Variants in KCNMB3 observed in about 807,000 individuals in gnomAD.
The protein encoded by KCNMB3 is potassium calcium-activated channel subfamily M regulatory beta subunit 3, also known as calcium-activated potassium channel subunit beta-3.
KCNMB3 carries 18 observed loss-of-function variants against 11.9 expected under a neutral mutation model. The observed-to-expected ratio is 1.51, with a 90% CI of 1.04 to 2.23. The LOEUF is 2.23. Ranked by LOEUF, KCNMB3 falls within the 30% of genes most tolerant of loss-of-function variation. The probability of loss-of-function intolerance (pLI) is 0.00; values close to 1 mark genes in which losing one functional copy is unlikely to be tolerated. For synonymous variants in KCNMB3, 78 were observed against 119.2 expected, an observed-to-expected ratio of 0.65 and a Z score of 2.25; for missense variants, 247 against 329.4, an observed-to-expected ratio of 0.75 and a Z score of 1.94.
chr3:179,257,143 A>C (rs1024397088), intron 1 of KCNMB3, among the ~76,000 whole-genome samples: 2 of 152,220 alleles, frequency 1.3e-5, no homozygotes, highest in African/African-American at 2.4e-5. Context: ...AGCCTCAGTG[A>C]TAGGTGAGAC....
chr3:179,260,061 G>A, intron 1 of KCNMB3: 2 of 1,610,580 alleles, frequency 1.2e-6, no homozygotes, highest in Non-Finnish European at 1.7e-6. Context: ...TAACTGTTGG[G>A]GGACCTCTAC....
rs574500740 is a variant in KCNMB3 at position 179,265,749 on chromosome 3, C to T, written c.62+900G>A. Among the ~76,000 whole-genome samples the T allele has an allele frequency of 1.4e-4, 21 of 152,332 alleles. 1 individual carries two copies. The highest frequency in any genetic ancestry group is 8.3e-4 in the South Asian group (4 of 4,828). On this transcript the variant is annotated intron_variant, in intron 1 of 3. Transcript: ENST00000349697. ...CTGGGATTACAGGTGTGAGCCACCGCGCCTGGCACAAAAGGTTTTAGTATC... is the reference window on the plus strand; with the variant it reads ...CTGGGATTACAGGTGTGAGCCACCGTGCCTGGCACAAAAGGTTTTAGTATC...
chr3:179,256,145 T>C (rs937408197), upstream of KCNMB3, among the ~76,000 whole-genome samples: 97 of 152,080 alleles, frequency 6.4e-4, no homozygotes, highest in African/African-American at 2.1e-3. Context: ...AGTAAAGATA[T>C]TAACTCTAGG....
At chr3:179,244,280 G>C (rs1053855917) in intron 2 of KCNMB3, among the ~76,000 whole-genome samples, 2 of 152,066 alleles carry the variant, frequency 1.3e-5, no homozygotes, top group Non-Finnish European at 2.9e-5. Flanking sequence ...CAGACACCAA[G>C]TTGTGAAATT....
intron 1 of KCNMB3, chr3:179,260,796 T>C: frequency 7.2e-7 from 1 of 1,392,954 alleles, no homozygotes; most frequent in Admixed American, 1.7e-5. Flanking sequence ...TATTTGTTTT[T>C]CTCTTCGTAC....
Position 179,263,513 on chromosome 3 carries a change from G to T in KCNMB3, c.62+3136C>A, listed in dbSNP as rs370622066. Among the ~76,000 whole-genome samples the T allele has an allele frequency of 5.3e-5, 8 of 150,012 alleles. 2 individuals are homozygous for T. Among genetic ancestry groups the T allele is most frequent in the East Asian group, 1.9e-4 (1 of 5,188 alleles). ...GAGGCGCGGAGAGCGAGCGAGGGCT[G>T]CAAGGGCTGCCAGCACGTTGTCACC... is the stretch of plus-strand genomic sequence containing the variant. On this transcript the variant is annotated intron_variant, in intron 1 of 3. Coordinates refer to the KCNMB3 transcript ENST00000349697.
chr3:179,244,841 C>T lies in KCNMB3; in HGVS notation c.249-148G>A, dbSNP rs543847524. ...TTGAGGTGGTGCAGGATCCTTACAGCAGGCACATAATAAACAGGGAGCATG... is the reference window on the plus strand; with the variant it reads ...TTGAGGTGGTGCAGGATCCTTACAGTAGGCACATAATAAACAGGGAGCATG... On this transcript the variant is annotated intron_variant, in intron 1 of 2. Transcript: ENST00000392685. 3 of 698,726 alleles carry T rather than the reference C, an allele frequency of 4.3e-6. No homozygotes were observed. The South Asian group carries it at 5.6e-5, about 13-fold the overall frequency. 43.3% of individuals were successfully genotyped at this position (698,726 alleles called of 1,614,324 possible).
At chr3:179,247,863 T>C (rs1005073366) in intron 1 of KCNMB3, among the ~76,000 whole-genome samples, 2 of 152,154 alleles carry the variant, frequency 1.3e-5, no homozygotes, top group Non-Finnish European at 2.9e-5. Context: ...CTTCCTTTTT[T>C]ATGACCCCTT....
rs1190830223 is a variant in KCNMB3, at chr3:179,263,750, GGTTTTTT to G, written c.62+2892_62+2898del. Among the ~76,000 whole-genome samples, 504 of 149,720 alleles carry G rather than the reference GGTTTTTT, an allele frequency of 3.4e-3. 3 individuals are homozygous for G. Among genetic ancestry groups the G allele is most frequent in the African/African-American group, 0.011 (454 of 40,630 alleles). On this transcript the variant is annotated intron_variant, in intron 1 of 3. Coordinates refer to the KCNMB3 transcript ENST00000349697. The stretch of plus-strand genomic sequence containing the variant: ...GTTAATCCCCTCCTGCTCTATATTA[GGTTTTTT>G]GTTTTTTGTTTTTTGTTTCTGTTTT...
chr3:179,243,616 A>G (rs1252108401), intron 2 of KCNMB3, among the ~76,000 whole-genome samples: 1 of 152,238 alleles, frequency 6.6e-6, no homozygotes, highest in Non-Finnish European at 1.5e-5. Flanking sequence ...TGTCCATTGA[A>G]CAAAAATGTA....
At position 179,242,834 on chromosome 3, in the gene KCNMB3, G is replaced by A; in HGVS notation, c.*70C>T. On this transcript the variant is annotated 3_prime_UTR_variant, in exon 3 of 3. Transcript: ENST00000392685. Reference sequence around the variant, plus strand: ...CTTTTACATTATTAGTTTGCAGACAGGCATAATTAGGTCCTCAGTTGCAGA... The same window carrying A: ...CTTTTACATTATTAGTTTGCAGACAAGCATAATTAGGTCCTCAGTTGCAGA... 1 of 1,507,572 alleles carries A rather than the reference G, an allele frequency of 6.6e-7. No homozygotes were observed. The highest frequency in any genetic ancestry group is 8.8e-7 in the Non-Finnish European group (1 of 1,130,390). The allele number at this position is 1,507,572 out of a possible 1,614,324, so 93.4% of individuals were successfully genotyped here.
chr3:179,251,407 G>A, upstream of KCNMB3: 1 of 1,425,078 alleles, frequency 7.0e-7, no homozygotes, highest in Non-Finnish European at 9.1e-7. Context: ...TGTTGGAAAG[G>A]CAGCATATCC....
chr3:179,255,276 C>T (rs374225912), upstream of KCNMB3, among the ~76,000 whole-genome samples: 1 of 150,874 alleles, frequency 6.6e-6, no homozygotes, highest in Non-Finnish European at 1.5e-5. Flanking sequence ...ATGAGATCCA[C>T]GAAAAATTTC....
upstream of KCNMB3, among the ~76,000 whole-genome samples, chr3:179,253,053 T>C (rs1227116933): frequency 2.0e-5 from 3 of 152,186 alleles, no homozygotes; most frequent in East Asian, 5.8e-4. Flanking sequence ...TATCAATAAA[T>C]ATGACAGATT....
exon 1 of KCNMB3, chr3:179,266,811 C>A (rs747359540): frequency 4.7e-6 from 7 of 1,504,624 alleles, no homozygotes; most frequent in South Asian, 1.3e-5. Context: ...GGAGTCCCAG[C>A]GGGAGCCCCC....
chr3:179,259,584 T>C, intron 1 of KCNMB3: 1 of 1,608,358 alleles, frequency 6.2e-7, no homozygotes, highest in Non-Finnish European at 8.5e-7. Flanking sequence ...GTTTTGGGCT[T>C]CCACTGCTGA....
chr3:179,244,750 T>A, intron 1 of KCNMB3, 57 bp from the exon 2 acceptor site: 1 of 1,489,482 alleles, frequency 6.7e-7, no homozygotes, highest in South Asian at 1.2e-5. Flanking sequence ...CATTCTACAT[T>A]TTGGTGTGGT....
At chr3:179,242,686 A>G (rs1725493489), downstream of KCNMB3, 1 of 795,740 alleles carries the variant, frequency 1.3e-6, no homozygotes, top group East Asian at 4.0e-5. Context: ...TCCTTAGCTC[A>G]TTTGGAAAGA....
chr3:179,257,898 G>T lies in KCNMB3; in HGVS notation c.63-6964C>A, dbSNP rs11719746. On this transcript the variant is annotated intron_variant, in intron 1 of 3. Coordinates refer to the KCNMB3 transcript ENST00000349697. ...TGTGTGTGTGTGTGTGTGTGTGTGT[G>T]TTTTTTAGACAGAGTTTCGCTCGTT... 5.2e-4 allele frequency among the ~76,000 whole-genome samples: 22 copies of T among 42,624 alleles called. No individual in the cohort carries two copies. The South Asian group carries it at 0.014, about 27-fold the overall frequency. The allele number at this position is 42,624 out of a possible 152,430, so 28.0% of individuals were successfully genotyped here. A position where few individuals can be genotyped will look rare whatever the true frequency, so the allele number is the denominator to read the frequency against.
Sources: gnomAD v4.1 joint callset for allele counts (sites outside exome capture counted in the v4.1 genomes callset) on GRCh38, gnomAD v4.1.1 for gene constraint, MANE v1.5 for transcripts, NCBI Gene and HGNC (gene_info 2026-07-23, HGNC 2026-07-21) for gene names.